The following WDPCP variants were observed in gnomAD, a reference collection of about 807,000 sequenced individuals.
WDPCP encodes WD repeat-containing and planar cell polarity effector protein fritz homolog.
In WDPCP, 71 loss-of-function variants were observed where a neutral mutation model predicts 93.1. That is an observed-to-expected ratio of 0.76 (90% CI 0.63 to 0.93). WDPCP has a LOEUF of 0.93. Ranked by LOEUF, WDPCP falls within the 40% of genes least tolerant of loss-of-function variation. The pLI is 0.00. For missense variants in WDPCP, 844 were observed against 887.4 expected (o/e 0.95, Z 0.62); for synonymous variants, 315 against 315.0 (o/e 1.00, Z 0.00).
At chr2:63,751,845 G>C in intron 2 of WDPCP, 1 of 674,802 alleles carries the variant, frequency 1.5e-6, no homozygotes, top group Non-Finnish European at 2.8e-6. Context: ...AAGACTAATT[G>C]TTGTAATTGC....
intron 3 of WDPCP, chr2:63,595,512 C>A: frequency 6.2e-7 from 1 of 1,602,094 alleles, no homozygotes; most frequent in Non-Finnish European, 8.6e-7. Context: ...CCCTTCCCCT[C>A]CTGAAAGGTG....
chr2:63,395,572 T>C (rs771362181), intron 10 of WDPCP, among the ~76,000 whole-genome samples: 14 of 152,150 alleles, frequency 9.2e-5, no homozygotes, highest in Non-Finnish European at 1.5e-5. Flanking sequence ...AAATATAATC[T>C]ATAATAATGG....
At chr2:63,228,687 G>A (rs1395648568) in intron 14 of WDPCP, 4 of 151,758 alleles carry the variant, frequency 2.6e-5, no homozygotes, top group Admixed American at 6.6e-5. Context: ...ATGGTGTTTG[G>A]TTTTTTGTCC....
At chr2:63,802,812 A>G (rs1305906688) in intron 2 of WDPCP, among the ~76,000 whole-genome samples, 1 of 152,202 alleles carries the variant, frequency 6.6e-6, no homozygotes, top group East Asian at 1.9e-4. Context: ...GAAGAATTCT[A>G]ATTCTTAGAT....
In WDPCP at chr2:63,459,295, G is replaced by A. The variant is rs1477314730; in HGVS notation, c.385-19424C>T. ...TGAAGAAACAACCTCTTGTATAGGA[G>A]AAAATGTTTGCAAATTACTCATCCA... On this transcript the variant is annotated intron_variant, in intron 6 of 17. Coordinates refer to ENST00000272321, the MANE Select transcript of WDPCP (RefSeq NM_015910.7). Among the ~76,000 whole-genome samples the A allele has an allele frequency of 2.6e-5, 4 of 151,914 alleles. No homozygotes were observed. The South Asian group carries it at 8.3e-4, about 32-fold the overall frequency.
At chr2:63,407,871 A>G (rs1236442877) in intron 9 of WDPCP, among the ~76,000 whole-genome samples, 5 of 152,212 alleles carry the variant, frequency 3.3e-5, no homozygotes, top group African/African-American at 1.2e-4. Flanking sequence ...AGGGCAGATG[A>G]TTGAGAGGCC....
chr2:63,480,558 A>G (rs1434646566), intron 6 of WDPCP, among the ~76,000 whole-genome samples: 1 of 152,238 alleles, frequency 6.6e-6, no homozygotes, highest in Non-Finnish European at 1.5e-5. Context: ...ATGGAACAGA[A>G]TAGAGAACCC....
At chr2:63,424,152 C>G (rs560509219) in intron 9 of WDPCP, among the ~76,000 whole-genome samples, 55 of 151,946 alleles carry the variant, frequency 3.6e-4, no homozygotes, top group Non-Finnish European at 6.5e-4. Flanking sequence ...GATCCCACAA[C>G]CCCCATACAC....
intron 2 of WDPCP, among the ~76,000 whole-genome samples, chr2:63,784,674 T>C (rs1670442639): frequency 6.6e-6 from 1 of 151,670 alleles, no homozygotes; most frequent in Admixed American, 6.6e-5. Flanking sequence ...AAGAAACAAG[T>C]CAAAATTTAG....
chr2:63,709,991 A>G (rs1575754368), intron 2 of WDPCP, among the ~76,000 whole-genome samples: 1 of 152,188 alleles, frequency 6.6e-6, no homozygotes, highest in Non-Finnish European at 1.5e-5. Context: ...ACACTAGAAG[A>G]TTTCTTGCAA....
chr2:63,566,140 TGTTTTTATAC>T (rs968248903), intron 1 of WDPCP, among the ~76,000 whole-genome samples: 5 of 152,340 alleles, frequency 3.3e-5, no homozygotes, highest in African/African-American at 9.6e-5. Flanking sequence ...CACTCTGATC[TGTTTTTATAC>T]GTCTGTGAAA....
chr2:63,476,790 C>A (rs1203054423), intron 6 of WDPCP, among the ~76,000 whole-genome samples: 1 of 152,126 alleles, frequency 6.6e-6, no homozygotes, highest in Non-Finnish European at 1.5e-5. Context: ...GAGTTTCGCA[C>A]AACTTGACAA....
At chr2:63,335,558 T>C (rs1377608907) in intron 12 of WDPCP, among the ~76,000 whole-genome samples, 3 of 151,918 alleles carry the variant, frequency 2.0e-5, no homozygotes, top group Non-Finnish European at 4.4e-5. Context: ...CAAGTAGCTG[T>C]GATTAGAAGC....
chr2:63,434,756 C>A (rs190986028), intron 8 of WDPCP, among the ~76,000 whole-genome samples: 1 of 152,176 alleles, frequency 6.6e-6, no homozygotes, highest in East Asian at 1.9e-4. Flanking sequence ...TAGCAAAGGG[C>A]AGGGGGTCTT....
chr2:63,454,589 A>C (rs544713782), intron 6 of WDPCP, among the ~76,000 whole-genome samples: 246 of 152,314 alleles, frequency 1.6e-3, no homozygotes, highest in Non-Finnish European at 2.8e-3. Flanking sequence ...AACCAAGTAC[A>C]GGAGTTATCA....
At chr2:63,752,485 G>T (rs768839976) in intron 2 of WDPCP, 50 of 772,036 alleles carry the variant, frequency 6.5e-5, no homozygotes, top group Non-Finnish European at 1.1e-4. Context: ...TGGAGCGCTT[G>T]GTGTTGGGAT....
intron 13 of WDPCP, among the ~76,000 whole-genome samples, chr2:63,278,223 T>C (rs754753896): frequency 7.9e-5 from 12 of 152,084 alleles, no homozygotes; most frequent in Admixed American, 2.0e-4. Context: ...ATGAGAATAG[T>C]AACACAACCC....
At chr2:63,334,581 T>C (rs1041421907) in intron 12 of WDPCP, among the ~76,000 whole-genome samples, 1 of 152,178 alleles carries the variant, frequency 6.6e-6, no homozygotes, top group Non-Finnish European at 1.5e-5. Context: ...TGCATTTATC[T>C]TAGTGAGTAG....
At chr2:63,575,489 A>ACAGTGTATACACT (rs1257278044) in intron 1 of WDPCP, among the ~76,000 whole-genome samples, 3 of 17,304 alleles carry the variant, frequency 1.7e-4, no homozygotes, top group African/African-American at 5.0e-4. Flanking sequence ...GTGTATATAT[A>ACAGTGTATACACT]GTATATACAG....
Sources: gnomAD v4.1 joint callset for allele counts (sites outside exome capture counted in the v4.1 genomes callset) on GRCh38, gnomAD v4.1.1 for gene constraint, MANE v1.5 for transcripts, NCBI Gene and HGNC (gene_info 2026-07-23, HGNC 2026-07-21) for gene names.